Variants in TBL1XR1 observed in about 807,000 individuals in gnomAD.
The protein encoded by TBL1XR1 is F-box-like/WD repeat-containing protein TBL1XR1.
Under a neutral mutation model 66.9 loss-of-function variants are expected in TBL1XR1, and 5 were observed. The observed-to-expected ratio is 0.07, with a 90% CI of 0.04 to 0.16. The LOEUF is 0.16. Ranked by LOEUF, TBL1XR1 falls within the 10% of genes least tolerant of loss-of-function variation. The pLI is 1.00. For synonymous variants in TBL1XR1, 210 were observed against 206.0 expected (o/e 1.02, Z -0.17); for missense variants, 238 against 623.2 (o/e 0.38, Z 6.58).
intron 1 of TBL1XR1, among the ~76,000 whole-genome samples, chr3:177,172,648 A>AG (rs1491384447): frequency 2.3e-4 from 29 of 126,650 alleles, no homozygotes; most frequent in African/African-American, 6.1e-4. Flanking sequence ...AGAGAGAGAG[A>AG]AAGAGAGAGA....
chr3:177,105,534 T>C (rs1482599277), intron 1 of TBL1XR1, among the ~76,000 whole-genome samples: 3 of 152,242 alleles, frequency 2.0e-5, no homozygotes, highest in Admixed American at 6.5e-5. Flanking sequence ...GGTTTGAATA[T>C]CTGATTCAAG....
intron 2 of TBL1XR1, among the ~76,000 whole-genome samples, chr3:177,077,010 G>C (rs1720780549): frequency 6.6e-6 from 1 of 152,124 alleles, no homozygotes; most frequent in African/African-American, 2.4e-5. Flanking sequence ...GTCCTATATG[G>C]GGTCTACTTC....
chr3:177,066,552 A>G (rs556207216), intron 2 of TBL1XR1, among the ~76,000 whole-genome samples: 1 of 152,306 alleles, frequency 6.6e-6, no homozygotes, highest in South Asian at 2.1e-4. Flanking sequence ...AGGCAGCACT[A>G]AGAGAAAACA....
intron 1 of TBL1XR1, among the ~76,000 whole-genome samples, chr3:177,159,968 G>A (rs1379514989): frequency 6.6e-6 from 1 of 152,152 alleles, no homozygotes; most frequent in Non-Finnish European, 1.5e-5. Context: ...TAACCTCATA[G>A]TTTAATTTAA....
At chr3:177,078,653 A>C (rs539327891) in intron 2 of TBL1XR1, 11 of 152,264 alleles carry the variant, frequency 7.2e-5, no homozygotes, top group African/African-American at 2.6e-4. Context: ...GATTAAAATA[A>C]AACAATATCG....
At chr3:177,035,318 CTT>C (rs1714616499) in intron 12 of TBL1XR1, among the ~76,000 whole-genome samples, 1 of 151,964 alleles carries the variant, frequency 6.6e-6, no homozygotes, top group South Asian at 2.1e-4. Flanking sequence ...GCTCATCCCT[CTT>C]GATTTGGTGA....
chr3:177,040,554 T>C (rs1474581592), intron 10 of TBL1XR1, among the ~76,000 whole-genome samples: 1 of 152,016 alleles, frequency 6.6e-6, no homozygotes, highest in African/African-American at 2.4e-5. Context: ...TAACTATGGA[T>C]AGGAGAAGTA....
chr3:177,197,765 G>C (rs1219658923), upstream of TBL1XR1, among the ~76,000 whole-genome samples: 3 of 147,244 alleles, frequency 2.0e-5, no homozygotes, highest in Non-Finnish European at 3.0e-5. Flanking sequence ...TGGCGGCACT[G>C]GGGGCTGGGC....
At position 177,154,623 on chromosome 3, in the gene TBL1XR1, C is replaced by G. The variant is rs371151464; in HGVS notation, c.-122+42498G>C. On this transcript the variant is annotated intron_variant, in intron 1 of 15. Transcript: ENST00000457928. ...TGTTGGCCAGGCTGGTCTCAAACTA[C>G]TAACTTCATGATCTGCCCGCCTCAG... 2.2e-4 allele frequency among the ~76,000 whole-genome samples: 34 copies of G among 152,200 alleles called. No homozygotes were observed. The East Asian group carries it at 6.4e-3, about 28-fold the overall frequency.
chr3:177,042,102 C>T lies in TBL1XR1; in HGVS notation c.926-3668G>A, dbSNP rs973460864. ...TTACACGTCGTTTTCCTCCATGGAA[C>T]CTAATTCAGTAACTACTGTGCACTT... On this transcript the variant is annotated intron_variant, in intron 10 of 15. Transcript: ENST00000457928. Among the ~76,000 whole-genome samples the T allele has an allele frequency of 1.5e-4, 23 of 152,166 alleles. 1 individual carries two copies. The highest frequency in any genetic ancestry group is 2.5e-4 in the Non-Finnish European group (17 of 68,026).
At chr3:177,047,276 T>C in intron 9 of TBL1XR1, 24 bp downstream of exon 9, 3 of 1,532,326 alleles carry the variant, frequency 2.0e-6, no homozygotes, top group Non-Finnish European at 2.6e-6. Context: ...ACATTTGCCT[T>C]TACAGAACTT....
intron 1 of TBL1XR1, among the ~76,000 whole-genome samples, chr3:177,135,917 C>A (rs1029181591): frequency 1.3e-5 from 2 of 151,510 alleles, no homozygotes; most frequent in African/African-American, 4.8e-5. Flanking sequence ...TCGGATTAAC[C>A]CCAGAGTGCT....
intron 1 of TBL1XR1, among the ~76,000 whole-genome samples, chr3:177,111,172 T>C (rs1725512270): frequency 6.6e-6 from 1 of 152,108 alleles, no homozygotes; most frequent in Non-Finnish European, 1.5e-5. Context: ...ACCATATCAT[T>C]ATTCAGGTAG....
At chr3:177,135,153 C>G (rs1728779035) in intron 1 of TBL1XR1, among the ~76,000 whole-genome samples, 1 of 150,940 alleles carries the variant, frequency 6.6e-6, no homozygotes, top group Admixed American at 6.6e-5. Flanking sequence ...AGGTGCACAC[C>G]ACCACGTCCG....
intron 3 of TBL1XR1, among the ~76,000 whole-genome samples, chr3:177,059,674 A>G (rs975951905): frequency 6.6e-6 from 1 of 152,194 alleles, no homozygotes; most frequent in Admixed American, 6.5e-5. Flanking sequence ...TGAAGCCTAC[A>G]TGTATTATCC....
intron 1 of TBL1XR1, among the ~76,000 whole-genome samples, chr3:177,170,560 C>T (rs1422452652): frequency 6.6e-6 from 1 of 152,140 alleles, no homozygotes; most frequent in Non-Finnish European, 1.5e-5. Context: ...GCATAATAGG[C>T]ACTCAATGAT....
intron 1 of TBL1XR1, among the ~76,000 whole-genome samples, chr3:177,120,518 A>C (rs1236136749): frequency 6.6e-6 from 1 of 152,148 alleles, no homozygotes; most frequent in Non-Finnish European, 1.5e-5. Context: ...CACTAATCTG[A>C]CTACGTTCCC....
At chr3:177,166,371 C>T (rs1732825339) in intron 1 of TBL1XR1, among the ~76,000 whole-genome samples, 1 of 152,118 alleles carries the variant, frequency 6.6e-6, no homozygotes, top group Non-Finnish European at 1.5e-5. Flanking sequence ...AGAACACATA[C>T]GTATGTAAAT....
At chr3:177,167,031 C>A (rs1303796131) in intron 1 of TBL1XR1, among the ~76,000 whole-genome samples, 1 of 152,196 alleles carries the variant, frequency 6.6e-6, no homozygotes, top group Non-Finnish European at 1.5e-5. Flanking sequence ...TGTGTCCACA[C>A]AAAAACCGGT....
Sources: gnomAD v4.1 joint callset for allele counts (sites outside exome capture counted in the v4.1 genomes callset) on GRCh38, gnomAD v4.1.1 for gene constraint, MANE v1.5 for transcripts, NCBI Gene and HGNC (gene_info 2026-07-23, HGNC 2026-07-21) for gene names.